The following DNAH7 variants were observed in gnomAD, a reference collection of about 807,000 sequenced individuals.
DNAH7 encodes the protein dynein axonemal heavy chain 7, also known as axonemal beta dynein heavy chain 7.
Under a neutral mutation model 444.6 loss-of-function variants are expected in DNAH7, and 397 were observed. That is an observed-to-expected ratio of 0.89 (90% CI 0.82 to 0.97). DNAH7 has a LOEUF of 0.97. Among genes scored for constraint, DNAH7 ranks in the 50% least tolerant of loss-of-function variants. The pLI is 0.00. For synonymous variants in DNAH7, 1,636 were observed against 1,624.4 expected, an observed-to-expected ratio of 1.01 and a Z score of -0.17; for missense variants, 4,902 against 4,800.8, an observed-to-expected ratio of 1.02 and a Z score of -0.62.
At chr2:195,912,297 A>C (rs1259798120) in intron 24 of DNAH7, among the ~76,000 whole-genome samples, 1 of 152,182 alleles carries the variant, frequency 6.6e-6, no homozygotes. Context: ...TTTCTAGAGC[A>C]CAGAAACTGA....
rs935977679 is a variant in DNAH7, at chr2:195,858,503, G to C, written c.8038C>G (p.Leu2680Val). 6.2e-7 allele frequency: 1 copy of C among 1,611,894 alleles called. No homozygotes were observed. Among genetic ancestry groups the C allele is most frequent in the African/African-American group, 1.3e-5 (1 of 74,910 alleles). ...AGALPILESALAALDTLTAQD... is the reference protein window; with the variant it reads ...AGALPILESAVAALDTLTAQD... ...GCAGTAAGAGTATCAAGGGCGGCCA[G>C]TGCTGACTCTAATATTGGCAAGGCA... The change falls in exon 43 of 65, where the codon CTG (leucine) becomes GTG (valine). Residue 2680 changes from leucine to valine, a missense_variant. Transcript: ENST00000312428.
intron 19 of DNAH7, among the ~76,000 whole-genome samples, chr2:195,951,715 T>C (rs1374880456): frequency 6.6e-6 from 1 of 152,206 alleles, no homozygotes; most frequent in Non-Finnish European, 1.5e-5. Flanking sequence ...TTGATCTTTG[T>C]TGGTTTAAAG....
chr2:195,882,814 C>T (rs1701466583), intron 35 of DNAH7, among the ~76,000 whole-genome samples: 1 of 152,128 alleles, frequency 6.6e-6, no homozygotes, highest in Non-Finnish European at 1.5e-5. Context: ...ACAACCAGGC[C>T]TCACTGATGC....
At chr2:195,957,150 T>A in intron 19 of DNAH7, 111 bp downstream of exon 19, 1 of 905,950 alleles carries the variant, frequency 1.1e-6, no homozygotes, top group Non-Finnish European at 1.6e-6. Flanking sequence ...AATGTATGTA[T>A]GAAACAGATA....
intron 9 of DNAH7, among the ~76,000 whole-genome samples, chr2:196,018,884 G>T (rs547061165): frequency 3.9e-5 from 6 of 152,152 alleles, no homozygotes; most frequent in African/African-American, 1.4e-4. Flanking sequence ...TTTCCATGGT[G>T]TGATTATTAA....
rs192667255 is a variant in DNAH7 at position 195,961,805 on chromosome 2, T to C, written c.2206-860A>G. ...GCATTGTGTTAGGTACTGTGGAAAATAGAAAAAAAGTATTATATTGCAAAA... is the reference window on the plus strand; with the variant it reads ...GCATTGTGTTAGGTACTGTGGAAAACAGAAAAAAAGTATTATATTGCAAAA... On this transcript the variant is annotated intron_variant, in intron 17 of 64. Transcript: ENST00000312428. 1.7e-3 allele frequency among the ~76,000 whole-genome samples: 265 copies of C among 151,552 alleles called. 1 individual carries two copies. Among genetic ancestry groups the C allele is most frequent in the African/African-American group, 6.1e-3 (249 of 41,122 alleles).
chr2:195,755,102 C>T (rs1278044908), intron 62 of DNAH7, among the ~76,000 whole-genome samples: 1 of 152,178 alleles, frequency 6.6e-6, no homozygotes. Context: ...CATTGCTACA[C>T]AATATATCAT....
chr2:195,810,206 CTT>C (rs1282265569), intron 51 of DNAH7, among the ~76,000 whole-genome samples: 1 of 151,864 alleles, frequency 6.6e-6, no homozygotes, highest in Non-Finnish European at 1.5e-5. Flanking sequence ...AATTTGACCT[CTT>C]TATAACAAAT....
rs1445236861 is a variant in DNAH7 at position 195,787,234 on chromosome 2, T to C, written c.10717-63A>G. 23 of 1,495,136 alleles carry C rather than the reference T, an allele frequency of 1.5e-5. No homozygotes were observed. In the Admixed American group the frequency reaches 4.1e-4, roughly 27 times the overall value. 92.6% of individuals were successfully genotyped at this position (1,495,136 alleles called of 1,614,324 possible). ...TCCATATATTGCATTATATTTACCATATTTTAAAATGAAAGCAAATTTCTT... is the reference window on the plus strand; with the variant it reads ...TCCATATATTGCATTATATTTACCACATTTTAAAATGAAAGCAAATTTCTT... On this transcript the variant is annotated intron_variant, in intron 57 of 64. Coordinates refer to ENST00000312428, the MANE Select transcript of DNAH7 (RefSeq NM_018897.3).
chr2:195,958,479 T>C (rs540483166), intron 18 of DNAH7, among the ~76,000 whole-genome samples: 1 of 152,314 alleles, frequency 6.6e-6, no homozygotes, highest in East Asian at 1.9e-4. Flanking sequence ...AAAAGTTATA[T>C]GCAGGTTTTC....
Position 195,936,699 on chromosome 2 carries a change from T to G in DNAH7, c.3172A>C (p.Asn1058His), listed in dbSNP as rs1382059764. ...AGGCGTTTCTTTTCCAAATATTCAT[T>G]AAGTCCTTTAAGAATGAGCTCCAAA... ...ELLELILKGL[N>H]EYLEKKRLFF... Residue 1058 changes from asparagine (N) to histidine (H), a missense_variant, in exon 20 of 65, where the codon AAT (asparagine) becomes CAT (histidine). Physicochemically the swap from Asn to His is moderately conservative, Grantham distance 68. Transcript: ENST00000312428. 1 of 1,605,918 alleles carries G rather than the reference T, an allele frequency of 6.2e-7. No homozygotes were observed. Among genetic ancestry groups the G allele is most frequent in the Admixed American group, 1.7e-5 (1 of 58,834 alleles).
intron 17 of DNAH7, among the ~76,000 whole-genome samples, chr2:195,961,527 A>G (rs897282719): frequency 2.0e-5 from 3 of 151,146 alleles, no homozygotes; most frequent in Admixed American, 6.7e-5. Context: ...TTGACTTAAC[A>G]TAAGTCCTCC....
chr2:195,942,057 T>C (rs181856744), intron 19 of DNAH7, among the ~76,000 whole-genome samples: 15 of 152,098 alleles, frequency 9.9e-5, no homozygotes, highest in African/African-American at 3.6e-4. Context: ...CCAGCCTCCA[T>C]GGGGGAGACA....
chr2:196,048,966 A>C (rs1420702333), intron 3 of DNAH7, among the ~76,000 whole-genome samples: 1 of 152,214 alleles, frequency 6.6e-6, no homozygotes, highest in East Asian at 1.9e-4. Flanking sequence ...ACTGTGGCAG[A>C]GGAGAGAGCA....
At chr2:195,940,928 T>A (rs554439825) in intron 19 of DNAH7, among the ~76,000 whole-genome samples, 1 of 151,778 alleles carries the variant, frequency 6.6e-6, no homozygotes, top group Non-Finnish European at 1.5e-5. Context: ...TTGGTGGGAG[T>A]GTAAATTAGT....
chr2:195,742,162 G>A (rs960953552), intron 63 of DNAH7, among the ~76,000 whole-genome samples: 5 of 152,184 alleles, frequency 3.3e-5, no homozygotes, highest in South Asian at 2.1e-4. Flanking sequence ...GTGGACTTGC[G>A]TGAGGGGAGA....
chr2:195,798,713 T>G (rs7420269), intron 55 of DNAH7, among the ~76,000 whole-genome samples: 6,960 of 151,680 alleles, frequency 0.046, 240 homozygotes, highest in African/African-American at 0.095. Context: ...CCAGCTAATT[T>G]TTTTTTGTAT....
intron 46 of DNAH7, 104 bp from the exon 47 acceptor site, chr2:195,845,269 T>G (rs925872435): frequency 7.0e-6 from 6 of 857,420 alleles, no homozygotes; most frequent in Non-Finnish European, 1.0e-5. Context: ...CAACAAACCA[T>G]TGTGGAAACT....
intron 1 of DNAH7, chr2:196,068,326 G>T (rs1475996135): frequency 9.4e-6 from 3 of 318,708 alleles, no homozygotes; most frequent in Non-Finnish European, 1.7e-5. Context: ...AAAGTCACAT[G>T]GCTAGGAGTT....
Sources: allele counts gnomAD v4.1 joint callset (sites outside exome capture counted in the v4.1 genomes callset), GRCh38; gene constraint gnomAD v4.1.1; transcripts MANE v1.5; gene names NCBI Gene and HGNC (gene_info 2026-07-23, HGNC 2026-07-21).